RRAGB: variants seen among roughly 807,000 people sequenced by gnomAD.
The protein encoded by RRAGB is Ras related GTP binding B.
In RRAGB, 6 loss-of-function variants were observed where a neutral mutation model predicts 29.3. The ratio of observed to expected loss-of-function variants is 0.21; its 90% CI spans 0.11 to 0.40. The LOEUF (loss-of-function observed/expected upper bound fraction) is 0.40. RRAGB is among the 10% of genes least tolerant of loss of function. RRAGB has a pLI of 1.00. For missense variants in RRAGB, 184 were observed against 272.9 expected (o/e 0.67, Z 2.29); for synonymous variants, 101 against 92.5 (o/e 1.09, Z -0.53).
intron 2 of RRAGB, among the ~76,000 whole-genome samples, chrX:55,720,703 A>G (rs1369711007): frequency 1.0e-5 from 1 of 96,485 alleles, no homozygotes; most frequent in Non-Finnish European, 2.2e-5. Flanking sequence ...AAAAAAAAAA[A>G]TAGCCGGACA....
Position 55,731,418 on chromosome X carries a change from A to G in RRAGB, c.348A>G (p.Arg116=). 1.7e-6 allele frequency: 2 copies of G among 1,210,981 alleles called. No homozygotes were observed. Among genetic ancestry groups the G allele is most frequent in the Non-Finnish European group, 2.2e-6 (2 of 894,982 alleles). The change falls in exon 5 of 10, where the codon CGA becomes CGG. Residue 116 remains arginine, a synonymous_variant. Coordinates refer to ENST00000374941, the MANE Select transcript of RRAGB (RefSeq NM_006064.5). The part of the protein sequence containing the change: ...YFTSQRDNIF[R]NVEVLIYVFD... ...CTAGCCAACGGGACAACATCTTCCG[A>G]AATGTGGAGGTTCTGATTTATGTCT...
intron 3 of RRAGB, among the ~76,000 whole-genome samples, chrX:55,725,583 CCA>C (rs947408738): frequency 1.8e-5 from 2 of 111,272 alleles, no homozygotes; most frequent in African/African-American, 6.5e-5. Flanking sequence ...TGAAAATAGT[CCA>C]GTTTTATTTT....
intron 3 of RRAGB, chrX:55,727,271 C>T (rs773072271): frequency 2.2e-5 from 25 of 1,150,769 alleles, no homozygotes; most frequent in Non-Finnish European, 8.1e-6. Context: ...ATTGTCTTTC[C>T]CTTTCTCAGT....
chrX:55,722,257 C>T lies in RRAGB; in HGVS notation c.198C>T (p.Ala66=). ...MRSIIFANYI[A]RDTRRLGATI... Reference sequence around the variant, plus strand: ...CTATTATCTTTGCAAATTATATTGCCAGAGACACACGTCGCCTTGGCGCAA... The same window carrying T: ...CTATTATCTTTGCAAATTATATTGCTAGAGACACACGTCGCCTTGGCGCAA... Residue 66 remains alanine, a synonymous_variant, in exon 3 of 10, where the codon GCC becomes GCT. Coordinates refer to ENST00000374941, the MANE Select transcript of RRAGB (RefSeq NM_006064.5). The T allele has an allele frequency of 8.4e-7, 1 of 1,191,143 alleles. No homozygotes were observed. Among genetic ancestry groups the T allele is most frequent in the Non-Finnish European group, 1.1e-6 (1 of 878,885 alleles).
intron 3 of RRAGB, among the ~76,000 whole-genome samples, chrX:55,726,537 TG>T (rs2033483876): frequency 9.0e-6 from 1 of 111,199 alleles, no homozygotes; most frequent in Admixed American, 9.6e-5. Context: ...TGAGAGATGA[TG>T]GGGGCTTGAT....
At chrX:55,742,317 C>A (rs938338979) in intron 5 of RRAGB, among the ~76,000 whole-genome samples, 9 of 112,534 alleles carry the variant, frequency 8.0e-5, no homozygotes, top group Non-Finnish European at 1.3e-4. Flanking sequence ...GCCCACAGCA[C>A]TCACCTCAGC....
At chrX:55,748,209 G>C (rs915112347) in intron 5 of RRAGB, among the ~76,000 whole-genome samples, 7 of 112,313 alleles carry the variant, frequency 6.2e-5, no homozygotes, top group African/African-American at 2.3e-4. Context: ...GCGTGATCTC[G>C]GCTTGCTACA....
chrX:55,755,858 G>A lies in RRAGB; in HGVS notation c.753G>A (p.Gln251=), dbSNP rs2034644361. 8.3e-7 allele frequency: 1 copy of A among 1,205,635 alleles called. No homozygotes were observed. The highest frequency in any genetic ancestry group is 3.0e-5 in the East Asian group (1 of 33,803). ...RATFLVISHY[Q]CKEQRDAHRF... ...TTTCATAGGTAATTTCTCACTATCA[G>A]TGTAAAGAGCAGCGTGATGCCCATA... Residue 251 remains glutamine, a synonymous_variant, in exon 8 of 10, where the codon CAG becomes CAA. Transcript: ENST00000374941.
rs767937443 is a variant in RRAGB at position 55,731,439 on chromosome X, T to C, written c.369T>C (p.Tyr123=). 5.8e-6 allele frequency: 7 copies of C among 1,208,528 alleles called. No individual in the cohort carries two copies. The South Asian group carries it at 1.1e-4, about 18-fold the overall frequency. ...TCCGAAATGTGGAGGTTCTGATTTA[T>C]GTCTTTGATGTGGAGAGCCGCGAAC... ...NIFRNVEVLI[Y]VFDVESRELE... Residue 123 remains tyrosine, a synonymous_variant, in exon 5 of 10, where the codon TAT becomes TAC. Transcript: ENST00000374941.
intron 7 of RRAGB, chrX:55,755,005 T>C (rs1025701107): frequency 4.6e-5 from 28 of 604,024 alleles, no homozygotes. Flanking sequence ...GTTGTAGAGG[T>C]TAACCTAATA....
At chrX:55,722,819 A>G (rs1333266197) in intron 3 of RRAGB, among the ~76,000 whole-genome samples, 1 of 111,528 alleles carries the variant, frequency 9.0e-6, no homozygotes, top group Non-Finnish European at 1.9e-5. Flanking sequence ...GTTGCCTTTT[A>G]TAGTTTGAGT....
intron 6 of RRAGB, chrX:55,752,206 T>C (rs1220959020): frequency 2.7e-6 from 2 of 751,477 alleles, no homozygotes; most frequent in Non-Finnish European, 3.1e-6. Flanking sequence ...TAGATTAATA[T>C]GGGCCGAATT....
intron 9 of RRAGB, among the ~76,000 whole-genome samples, chrX:55,757,706 A>G (rs2034693848): frequency 8.9e-6 from 1 of 112,224 alleles, no homozygotes; most frequent in Admixed American, 9.4e-5. Flanking sequence ...TACATGATTT[A>G]TGCTGCATCT....
At chrX:55,753,553 A>G in intron 7 of RRAGB, 39 bp downstream of exon 7, 1 of 1,133,206 alleles carries the variant, frequency 8.8e-7, no homozygotes, top group South Asian at 2.2e-5. Context: ...TTCACACTGT[A>G]CGTTCTTTGT....
chrX:55,745,635 C>T (rs1474645229), intron 5 of RRAGB, among the ~76,000 whole-genome samples: 1 of 112,166 alleles, frequency 8.9e-6, no homozygotes, highest in Non-Finnish European at 1.9e-5. Context: ...GATGGTGGCA[C>T]TAACCTCTGC....
chrX:55,733,991 T>A (rs2033779992), intron 5 of RRAGB, among the ~76,000 whole-genome samples: 1 of 105,480 alleles, frequency 9.5e-6, no homozygotes, highest in Non-Finnish European at 1.9e-5. Context: ...TGAGACGGAG[T>A]CTCGCTCTTT....
rs186871522 is a variant in RRAGB, at chrX:55,718,298, T to C, written c.-30T>C. ...CAAACCCTGAAGAGTACTGAAGATT[T>C]AGAAGGGACTGGAAAGGACTTGTTG... On this transcript the variant is annotated 5_prime_UTR_variant, in exon 1 of 10. Coordinates refer to ENST00000374941, the MANE Select transcript of RRAGB (RefSeq NM_006064.5). 5.4e-6 allele frequency: 6 copies of C among 1,113,388 alleles called. No individual in the cohort carries two copies. In the East Asian group the frequency reaches 1.8e-4, roughly 34 times the overall value. 91.8% of individuals were successfully genotyped at this position (1,113,388 alleles called of 1,213,427 possible).
At chrX:55,748,525 G>C (rs749335266) in intron 5 of RRAGB, among the ~76,000 whole-genome samples, 76 of 110,490 alleles carry the variant, frequency 6.9e-4, no homozygotes, top group African/African-American at 2.4e-3. Flanking sequence ...CCGCCACCCC[G>C]TCTGGGATGT....
intron 9 of RRAGB, among the ~76,000 whole-genome samples, chrX:55,757,710 T>C (rs2147132975): frequency 8.9e-6 from 1 of 112,211 alleles, no homozygotes; most frequent in African/African-American, 3.2e-5. Context: ...TGATTTATGC[T>C]GCATCTGGTA....
Sources: gnomAD v4.1 joint callset for allele counts (sites outside exome capture counted in the v4.1 genomes callset) on GRCh38, gnomAD v4.1.1 for gene constraint, MANE v1.5 for transcripts, NCBI Gene and HGNC (gene_info 2026-07-23, HGNC 2026-07-21) for gene names.